The following DCST1 variants were observed in gnomAD, a reference collection of about 807,000 sequenced individuals.
DCST1 encodes DC-STAMP domain containing 1.
In DCST1, 78 loss-of-function variants were observed where a neutral mutation model predicts 89.1. The ratio of observed to expected loss-of-function variants is 0.88; its 90% CI spans 0.73 to 1.06. The LOEUF (loss-of-function observed/expected upper bound fraction) is 1.06. Ranked by LOEUF, DCST1 falls within the 50% of genes least tolerant of loss-of-function variation. DCST1 has a pLI of 0.00. For synonymous variants in DCST1, 364 were observed against 371.9 expected (o/e 0.98, Z 0.24); for missense variants, 900 against 928.6 (o/e 0.97, Z 0.40).
intron 4 of DCST1, among the ~76,000 whole-genome samples, chr1:155,035,683 A>G (rs1230652458): frequency 6.6e-6 from 1 of 152,092 alleles, no homozygotes; most frequent in Non-Finnish European, 1.5e-5. Context: ...TAATCCCAGC[A>G]CTTTGGGAGG....
chr1:155,046,410 G>A lies in DCST1; in HGVS notation c.1419G>A (p.Leu473=), dbSNP rs770285017. 3 of 1,613,884 alleles carry A rather than the reference G, an allele frequency of 1.9e-6. No homozygotes were observed. The highest frequency in any genetic ancestry group is 2.5e-6 in the Non-Finnish European group (3 of 1,179,990). ...TLPILLLLVV[L]CGLDWALYSI... ...CCATTCTGCTGCTGCTGGTGGTGCTGTGTGGCTTGGACTGGGCTCTCTACT... is the reference window on the plus strand; with the variant it reads ...CCATTCTGCTGCTGCTGGTGGTGCTATGTGGCTTGGACTGGGCTCTCTACT... The change falls in exon 13 of 17, where the codon CTG becomes CTA. Residue 473 remains leucine, a synonymous_variant. Transcript: ENST00000295542.
intron 4 of DCST1, among the ~76,000 whole-genome samples, chr1:155,036,675 T>C (rs982916698): frequency 5.9e-5 from 9 of 152,270 alleles, no homozygotes; most frequent in African/African-American, 1.9e-4. Flanking sequence ...AATGCTATTA[T>C]AATTCCACTG....
At chr1:155,042,945 A>G in intron 9 of DCST1, 89 bp downstream of exon 9, 2 of 1,500,544 alleles carry the variant, frequency 1.3e-6, no homozygotes, top group South Asian at 1.2e-5. Flanking sequence ...GACAAGTGAG[A>G]GGGCACAGGA....
chr1:155,043,750 C>T (rs1660513897), intron 10 of DCST1, among the ~76,000 whole-genome samples: 2 of 152,208 alleles, frequency 1.3e-5, no homozygotes, highest in Non-Finnish European at 2.9e-5. Context: ...TCCTTCCAGC[C>T]TTTATCCCAA....
In DCST1 at chr1:155,043,651, A is replaced by T. The variant is rs76735429; in HGVS notation, c.1172+142A>T. 10,173 of 1,168,796 alleles carry T rather than the reference A, an allele frequency of 8.7e-3. 63 individuals are homozygous for T. Among genetic ancestry groups the T allele is most frequent in the Non-Finnish European group, 0.01 (9,001 of 882,010 alleles). The allele number at this position is 1,168,796 out of a possible 1,614,324, so 72.4% of individuals were successfully genotyped here. A position where few individuals can be genotyped will look rare whatever the true frequency, so the allele number is the denominator to read the frequency against. ...TATTTACCTTTGTCTTTGTTTACAC[A>T]AAGTTAAAGGAAAAGTGGACATTTT... On this transcript the variant is annotated intron_variant, in intron 10 of 16. Coordinates refer to ENST00000295542, the MANE Select transcript of DCST1 (RefSeq NM_152494.4).
chr1:155,047,410 G>C, intron 14 of DCST1, 98 bp downstream of exon 14: 1 of 1,096,352 alleles, frequency 9.1e-7, no homozygotes, highest in Non-Finnish European at 1.3e-6. Flanking sequence ...GGCCTTGGGT[G>C]TGGAGAGATG....
chr1:155,046,725 C>T (rs1297426657), intron 13 of DCST1, among the ~76,000 whole-genome samples: 1 of 151,298 alleles, frequency 6.6e-6, no homozygotes, highest in Non-Finnish European at 1.5e-5. Context: ...CCTGCCTCAG[C>T]CTCTTGAGTA....
At chr1:155,048,503 T>C (rs1200532852) in intron 16 of DCST1, among the ~76,000 whole-genome samples, 1 of 152,220 alleles carries the variant, frequency 6.6e-6, no homozygotes, top group Non-Finnish European at 1.5e-5. Flanking sequence ...TTTCACCATG[T>C]TGGCCAGGCT....
intron 13 of DCST1, 83 bp from the exon 14 acceptor site, chr1:155,047,113 A>C: frequency 9.2e-7 from 1 of 1,083,094 alleles, no homozygotes; most frequent in Non-Finnish European, 1.4e-6. Context: ...CTGTGTCTTG[A>C]CCCCTCCCTG....
At position 155,043,458 on chromosome 1, in the gene DCST1, T is replaced by G. The variant is rs774348294; in HGVS notation, c.1121T>G (p.Leu374Arg). ...YRQEARLEWA[L>R]GLLHVLLSCT... ...CAGGAGGCCCGGCTGGAGTGGGCCC[T>G]GGGGCTGCTGCACGTGCTGCTCTCC... is the stretch of plus-strand genomic sequence containing the variant. Residue 374 changes from leucine to arginine, a missense_variant, in exon 10 of 17, where the codon CTG becomes CGG. Transcript: ENST00000295542. 6.2e-7 allele frequency: 1 copy of G among 1,611,824 alleles called. No individual in the cohort carries two copies. The highest frequency in any genetic ancestry group is 8.5e-7 in the Non-Finnish European group (1 of 1,179,074).
chr1:155,040,398 T>C, intron 5 of DCST1, 87 bp from the exon 6 acceptor site: 1 of 1,452,922 alleles, frequency 6.9e-7, no homozygotes, highest in South Asian at 1.3e-5. Context: ...TTCTAGGCGA[T>C]GGGCACTATT....
rs1448429583 is a variant in DCST1 at position 155,048,266 on chromosome 1, T to TG, written c.1869+98dup. 3.4e-5 allele frequency: 32 copies of TG among 944,086 alleles called. No individual in the cohort carries two copies. In the Admixed American group the frequency reaches 6.7e-4, roughly 20 times the overall value. 58.5% of individuals were successfully genotyped at this position (944,086 alleles called of 1,614,324 possible). ...CTTCAGTCCACCCAGCACCCACCAA[T>TG]GGTCGCAGGCCTACTCGAGCCTGGT... On this transcript the variant is annotated intron_variant, in intron 16 of 16. Coordinates refer to ENST00000295542, the MANE Select transcript of DCST1 (RefSeq NM_152494.4).
intron 9 of DCST1, 88 bp from the exon 10 acceptor site, chr1:155,043,264 G>T (rs1325725234): frequency 1.3e-6 from 2 of 1,592,566 alleles, no homozygotes; most frequent in African/African-American, 2.7e-5. Flanking sequence ...ACACAAGTGG[G>T]GTACTGGGGA....
chr1:155,035,701 G>A (rs572682160), intron 4 of DCST1, among the ~76,000 whole-genome samples: 10 of 152,114 alleles, frequency 6.6e-5, no homozygotes, highest in African/African-American at 2.2e-4. Context: ...AGGCTGAGGC[G>A]GGTGGATCAC....
intron 4 of DCST1, among the ~76,000 whole-genome samples, chr1:155,037,173 G>A (rs1172352740): frequency 6.6e-6 from 1 of 152,138 alleles, no homozygotes; most frequent in Non-Finnish European, 1.5e-5. Context: ...AGGCATTACA[G>A]AGGCTGAGCT....
intron 8 of DCST1, 140 bp downstream of exon 8, chr1:155,041,997 C>A (rs1660454002): frequency 8.5e-7 from 1 of 1,170,352 alleles, no homozygotes; most frequent in Non-Finnish European, 1.2e-6. Flanking sequence ...AGCCCTCCAC[C>A]TGCTGAATAG....
chr1:155,050,388 T>C (rs1213710849), intron 16 of DCST1, among the ~76,000 whole-genome samples: 3 of 152,224 alleles, frequency 2.0e-5, no homozygotes, highest in Non-Finnish European at 4.4e-5. Context: ...AAATGAGAGT[T>C]GTGGCTGATA....
At chr1:155,050,567 T>G (rs1254470183) in intron 16 of DCST1, 50 bp from the exon 17 acceptor site, 2 of 1,514,346 alleles carry the variant, frequency 1.3e-6, no homozygotes, top group Admixed American at 3.8e-5. Context: ...CCAGTTCCCC[T>G]TCTTTCCCGC....
chr1:155,047,740 GC>G, intron 14 of DCST1, 46 bp from the exon 15 acceptor site: 1 of 1,586,318 alleles, frequency 6.3e-7, no homozygotes, highest in Non-Finnish European at 8.6e-7. Context: ...GGGCTGCCCT[GC>G]CCCTTGGCTG....
Sources: gnomAD v4.1 joint callset for allele counts (sites outside exome capture counted in the v4.1 genomes callset) on GRCh38, gnomAD v4.1.1 for gene constraint, MANE v1.5 for transcripts, NCBI Gene and HGNC (gene_info 2026-07-23, HGNC 2026-07-21) for gene names.